Variants in TTC28 observed in about 807,000 individuals in gnomAD.
The protein encoded by TTC28 is tetratricopeptide repeat domain 28.
In TTC28, 61 loss-of-function variants were observed where a neutral mutation model predicts 198.0. That is an observed-to-expected ratio of 0.31 (90% CI 0.25 to 0.38). The LOEUF (loss-of-function observed/expected upper bound fraction) is 0.38. TTC28 is among the 10% of genes least tolerant of loss of function. TTC28 has a pLI of 1.00. For missense variants in TTC28, 2,678 were observed against 3,164.0 expected (o/e 0.85, Z 3.69); for synonymous variants, 1,171 against 1,297.8 (o/e 0.90, Z 2.10).
chr22:28,490,014 G>A lies in TTC28; in HGVS notation c.381+139538C>T, dbSNP rs138463508. ...TTCGAGGGCAGGAAGCATCCAGCAC[G>A]GGAGAAAGATGTAGGCTGGAAGGCT... On this transcript the variant is annotated intron_variant, in intron 2 of 22. Coordinates refer to ENST00000397906, the MANE Select transcript of TTC28 (RefSeq NM_001145418.2). 8.6e-3 allele frequency among the ~76,000 whole-genome samples: 1,303 copies of A among 152,240 alleles called. 17 individuals carry two copies. Among genetic ancestry groups the A allele is most frequent in the African/African-American group, 0.03 (1,230 of 41,550 alleles).
chr22:28,183,338 G>A (rs1372122353), intron 5 of TTC28, among the ~76,000 whole-genome samples: 1 of 152,114 alleles, frequency 6.6e-6, no homozygotes, highest in Non-Finnish European at 1.5e-5. Context: ...GATTTCAGGG[G>A]TGAGCTATCA....
intron 5 of TTC28, among the ~76,000 whole-genome samples, chr22:28,257,739 C>CATAAATATAT (rs1555952252): frequency 1.0e-5 from 1 of 96,602 alleles, no homozygotes; most frequent in Non-Finnish European, 2.0e-5. Context: ...GGTAATAGAA[C>CATAAATATAT]ATATATATAT....
intron 5 of TTC28, among the ~76,000 whole-genome samples, chr22:28,258,413 A>G (rs1931103740): frequency 6.6e-6 from 1 of 152,196 alleles, no homozygotes; most frequent in Non-Finnish European, 1.5e-5. Flanking sequence ...TCTCAACTGT[A>G]TTAGATTATT....
intron 3 of TTC28, among the ~76,000 whole-genome samples, chr22:28,304,258 C>A (rs924296958): frequency 8.6e-5 from 13 of 151,062 alleles, no homozygotes; most frequent in Non-Finnish European, 1.5e-4. Flanking sequence ...GCACTCCAGC[C>A]TGGGCGACAG....
chr22:28,071,914 A>T (rs1940996348), intron 12 of TTC28, among the ~76,000 whole-genome samples: 1 of 152,172 alleles, frequency 6.6e-6, no homozygotes, highest in South Asian at 2.1e-4. Flanking sequence ...GCTAGGAAAG[A>T]ACATCTCATT....
intron 12 of TTC28, among the ~76,000 whole-genome samples, chr22:28,076,298 A>G (rs992323962): frequency 6.6e-6 from 1 of 152,230 alleles, no homozygotes; most frequent in African/African-American, 2.4e-5. Flanking sequence ...TGATGCAGCA[A>G]TGGCATAGTC....
chr22:28,147,490 C>A (rs1943496268), intron 6 of TTC28, among the ~76,000 whole-genome samples: 1 of 152,174 alleles, frequency 6.6e-6, no homozygotes, highest in African/African-American at 2.4e-5. Context: ...GTCCTACTCA[C>A]TTAGAAATGC....
intron 2 of TTC28, among the ~76,000 whole-genome samples, chr22:28,449,798 A>C (rs1243169844): frequency 2.0e-5 from 3 of 152,202 alleles, no homozygotes; most frequent in African/African-American, 7.2e-5. Context: ...ATAAGGAATG[A>C]AGAGGCCTTG....
intron 2 of TTC28, among the ~76,000 whole-genome samples, chr22:28,350,900 C>T (rs1255812639): frequency 3.3e-5 from 5 of 152,044 alleles, no homozygotes; most frequent in East Asian, 3.8e-4. Flanking sequence ...AAACACTTCT[C>T]GGCCGGGCGC....
intron 2 of TTC28, among the ~76,000 whole-genome samples, chr22:28,613,799 A>C (rs1261304500): frequency 6.6e-6 from 1 of 152,216 alleles, no homozygotes; most frequent in Non-Finnish European, 1.5e-5. Context: ...ATATCTCAAA[A>C]TAATAAGAAC....
chr22:28,084,088 G>C (rs370261236), intron 12 of TTC28, among the ~76,000 whole-genome samples: 2 of 152,226 alleles, frequency 1.3e-5, no homozygotes, highest in Admixed American at 6.5e-5. Flanking sequence ...TCTGGGGGCA[G>C]GGCACAGACA....
intron 2 of TTC28, among the ~76,000 whole-genome samples, chr22:28,553,147 C>T (rs934684982): frequency 6.6e-6 from 1 of 152,212 alleles, no homozygotes; most frequent in East Asian, 1.9e-4. Context: ...CAACCTCTAC[C>T]TCCCAGCCGC....
chr22:28,330,366 C>T (rs1157701603), intron 2 of TTC28, among the ~76,000 whole-genome samples: 1 of 152,138 alleles, frequency 6.6e-6, no homozygotes, highest in Non-Finnish European at 1.5e-5. Flanking sequence ...CATTCACAGA[C>T]AACTGGGGCC....
intron 2 of TTC28, among the ~76,000 whole-genome samples, chr22:28,334,968 T>C (rs897804784): frequency 2.6e-5 from 4 of 152,238 alleles, no homozygotes; most frequent in African/African-American, 9.6e-5. Flanking sequence ...GGTTTTCTTC[T>C]AGGGTTTTTA....
chr22:28,347,836 G>C (rs935567170), intron 2 of TTC28, among the ~76,000 whole-genome samples: 1 of 152,246 alleles, frequency 6.6e-6, no homozygotes, highest in Non-Finnish European at 1.5e-5. Flanking sequence ...CCGAGATCGT[G>C]CCACTGCACT....
chr22:28,594,257 A>G (rs2050495628), intron 2 of TTC28, among the ~76,000 whole-genome samples: 1 of 148,902 alleles, frequency 6.7e-6, no homozygotes, highest in African/African-American at 2.4e-5. Context: ...TAATATAATT[A>G]TATTTATTAA....
intron 6 of TTC28, among the ~76,000 whole-genome samples, chr22:28,155,050 C>T (rs926675500): frequency 6.6e-6 from 1 of 152,112 alleles, no homozygotes; most frequent in Non-Finnish European, 1.5e-5. Flanking sequence ...CCCTGGATTC[C>T]CCCGACCCTC....
In TTC28 at chr22:28,522,489, A is replaced by G. The variant is rs6005799; in HGVS notation, c.381+107063T>C. On this transcript the variant is annotated intron_variant, in intron 2 of 22. Coordinates refer to ENST00000397906, the MANE Select transcript of TTC28 (RefSeq NM_001145418.2). Reference sequence around the variant, plus strand: ...GGCAACAAGTGCGAAACTCCGTCTCAAAAAAAAAAAAAAAACTGAGACACA... The same window carrying G: ...GGCAACAAGTGCGAAACTCCGTCTCGAAAAAAAAAAAAAAACTGAGACACA... Among the ~76,000 whole-genome samples, 1,125 of 140,194 alleles carry G rather than the reference A, an allele frequency of 8.0e-3. 16 individuals are homozygous for G. The highest frequency in any genetic ancestry group is 0.028 in the African/African-American group (1,036 of 37,150). The allele number at this position is 140,194 out of a possible 152,430, so 92.0% of individuals were successfully genotyped here. A position where few individuals can be genotyped will look rare whatever the true frequency, so the allele number is the denominator to read the frequency against.
In TTC28 at chr22:28,386,274, C is replaced by CAAAAAAAAAAAAAAAAAAAAA. The variant is rs71194764; in HGVS notation, c.382-79652_382-79632dup. Among the ~76,000 whole-genome samples the CAAAAAAAAAAAAAAAAAAAAA allele has an allele frequency of 2.5e-4, 13 of 52,232 alleles. 1 individual carries two copies. Among genetic ancestry groups the CAAAAAAAAAAAAAAAAAAAAA allele is most frequent in the East Asian group, 2.4e-3 (2 of 840 alleles). The allele number at this position is 52,232 out of a possible 152,430, so 34.3% of individuals were successfully genotyped here. On this transcript the variant is annotated intron_variant, in intron 2 of 22. Transcript: ENST00000397906. ...TGGGCGACAGAGCGAGACTCCGTCT[C>CAAAAAAAAAAAAAAAAAAAAA]AAAAAAAAAAAAAAAAAAAAAAAAA...
Sources: allele counts gnomAD v4.1 joint callset (sites outside exome capture counted in the v4.1 genomes callset), GRCh38; gene constraint gnomAD v4.1.1; transcripts MANE v1.5; gene names NCBI Gene and HGNC (gene_info 2026-07-23, HGNC 2026-07-21).